CCSER1: variants seen among roughly 807,000 people sequenced by gnomAD.
CCSER1 encodes the protein serine-rich coiled-coil domain-containing protein 1.
In CCSER1, 41 loss-of-function variants were observed where a neutral mutation model predicts 82.0. The ratio of observed to expected loss-of-function variants is 0.50; its 90% CI spans 0.39 to 0.65. The LOEUF (loss-of-function observed/expected upper bound fraction) is 0.65. Ranked by LOEUF, CCSER1 falls within the 30% of genes least tolerant of loss-of-function variation. The pLI, the probability that CCSER1 is intolerant of heterozygous loss-of-function variation, is 0.00. For missense variants in CCSER1, 1,119 were observed against 1,064.2 expected (o/e 1.05, Z -0.72); for synonymous variants, 414 against 383.9 (o/e 1.08, Z -0.92).
intron 3 of CCSER1, among the ~76,000 whole-genome samples, chr4:90,327,668 T>C (rs2153492884): frequency 6.6e-6 from 1 of 152,240 alleles, no homozygotes; most frequent in African/African-American, 2.4e-5. Flanking sequence ...TGAGATTTTG[T>C]CCTGGATAAT....
intron 10 of CCSER1, among the ~76,000 whole-genome samples, chr4:91,288,080 T>A (rs1392112956): frequency 6.8e-6 from 1 of 146,546 alleles, no homozygotes; most frequent in Admixed American, 6.9e-5. Flanking sequence ...ATATATACAC[T>A]CATATATATA....
intron 5 of CCSER1, among the ~76,000 whole-genome samples, chr4:90,472,748 A>G (rs564115145): frequency 6.6e-6 from 1 of 152,324 alleles, no homozygotes; most frequent in Admixed American, 6.5e-5. Context: ...ATATTTAATC[A>G]TAAGCATAGA....
intron 10 of CCSER1, among the ~76,000 whole-genome samples, chr4:91,362,480 T>C (rs1749314252): frequency 6.6e-6 from 1 of 151,878 alleles, no homozygotes; most frequent in East Asian, 1.9e-4. Flanking sequence ...CTAGTTTATA[T>C]ATGTATAAGA....
At chr4:91,058,631 A>G (rs141472043) in intron 9 of CCSER1, among the ~76,000 whole-genome samples, 1 of 152,088 alleles carries the variant, frequency 6.6e-6, no homozygotes, top group African/African-American at 2.4e-5. Flanking sequence ...TCCTCCTACT[A>G]TTACTCATTC....
At chr4:91,211,575 A>G (rs1428655927) in intron 10 of CCSER1, among the ~76,000 whole-genome samples, 1 of 152,104 alleles carries the variant, frequency 6.6e-6, no homozygotes, top group Admixed American at 6.6e-5. Flanking sequence ...CAATTTTATT[A>G]CAGTTTACAT....
rs1257396069 is a variant in CCSER1 at position 91,600,744 on chromosome 4, T to C, written c.*1687T>C. 1 of 152,174 alleles carries C rather than the reference T, an allele frequency of 6.6e-6. No homozygotes were observed. Among genetic ancestry groups the C allele is most frequent in the Non-Finnish European group, 1.5e-5 (1 of 68,012 alleles). The allele number at this position is 152,174 out of a possible 1,614,324, so 9.4% of individuals were successfully genotyped here. On this transcript the variant is annotated 3_prime_UTR_variant, in exon 11 of 11. Transcript: ENST00000509176. ...AAGGAGTCGAGTGGATATGTTGTAC[T>C]TGTAATTTTGGTTTTCCAAAGGAAC... is the stretch of plus-strand genomic sequence containing the variant.
intron 10 of CCSER1, among the ~76,000 whole-genome samples, chr4:91,118,284 CTT>C (rs1251894474): frequency 4.9e-5 from 6 of 123,220 alleles, no homozygotes; most frequent in African/African-American, 1.5e-4. Context: ...GTTATGGAGA[CTT>C]TTTTTTTTTT....
At chr4:91,171,176 ACT>A (rs1329248105) in intron 10 of CCSER1, among the ~76,000 whole-genome samples, 1 of 152,164 alleles carries the variant, frequency 6.6e-6, no homozygotes, top group African/African-American at 2.4e-5. Context: ...CTAGAAAGAA[ACT>A]CTAAATATGG....
At position 90,986,790 on chromosome 4, in the gene CCSER1, A is replaced by C. The variant is rs549311501; in HGVS notation, c.2172+63343A>C. Reference sequence around the variant, plus strand: ...AAAACCATAAATCATTGGCATGATTATATTTACAATTTCGATATTATTACA... The same window carrying C: ...AAAACCATAAATCATTGGCATGATTCTATTTACAATTTCGATATTATTACA... On this transcript the variant is annotated intron_variant, in intron 9 of 10. Coordinates refer to ENST00000509176, the MANE Select transcript of CCSER1 (RefSeq NM_001145065.2). Among the ~76,000 whole-genome samples the C allele has an allele frequency of 1.3e-3, 193 of 151,944 alleles. 1 individual carries two copies. Among genetic ancestry groups the C allele is most frequent in the Non-Finnish European group, 2.1e-3 (145 of 67,842 alleles).
intron 10 of CCSER1, among the ~76,000 whole-genome samples, chr4:91,413,337 G>A (rs1467891493): frequency 6.6e-6 from 1 of 152,100 alleles, no homozygotes; most frequent in Non-Finnish European, 1.5e-5. Context: ...GCACACACCT[G>A]TAGTCCTAGC....
At position 90,308,226 on chromosome 4, in the gene CCSER1, T is replaced by C; in HGVS notation, c.-41-18T>C. On this transcript the variant is annotated intron_variant, in intron 1 of 10. Transcript: ENST00000509176. The stretch of plus-strand genomic sequence containing the variant: ...TTGAATTCTATTGACTTGTTGTTTT[T>C]GTTTTAACCTTTCTCAGGCTGCAAA... 1 of 1,448,048 alleles carries C rather than the reference T, an allele frequency of 6.9e-7. No individual in the cohort carries two copies. Among genetic ancestry groups the C allele is most frequent in the Non-Finnish European group, 9.1e-7 (1 of 1,098,870 alleles). 89.7% of individuals were successfully genotyped at this position (1,448,048 alleles called of 1,614,324 possible).
chr4:90,706,517 A>C (rs1204003677), intron 6 of CCSER1, among the ~76,000 whole-genome samples: 1 of 152,224 alleles, frequency 6.6e-6, no homozygotes, highest in African/African-American at 2.4e-5. Flanking sequence ...GATAATCTTA[A>C]TAGCAGAGAT....
intron 3 of CCSER1, among the ~76,000 whole-genome samples, chr4:90,382,444 C>G (rs548690208): frequency 6.6e-6 from 1 of 152,076 alleles, no homozygotes; most frequent in South Asian, 2.1e-4. Flanking sequence ...TAAAGAAATT[C>G]CTCTTGATAA....
At chr4:90,836,534 G>A (rs1761830276) in intron 8 of CCSER1, among the ~76,000 whole-genome samples, 1 of 152,114 alleles carries the variant, frequency 6.6e-6, no homozygotes, top group African/African-American at 2.4e-5. Context: ...ACCAGCAAAG[G>A]TGAATTTACT....
At chr4:90,587,912 A>C (rs559106952) in intron 5 of CCSER1, among the ~76,000 whole-genome samples, 1 of 152,326 alleles carries the variant, frequency 6.6e-6, no homozygotes, top group African/African-American at 2.4e-5. Context: ...AGTGAATATC[A>C]CAGTAAAATA....
intron 10 of CCSER1, among the ~76,000 whole-genome samples, chr4:91,133,927 C>T (rs1489550947): frequency 2.0e-5 from 3 of 152,000 alleles, no homozygotes; most frequent in Admixed American, 2.0e-4. Flanking sequence ...AGTGAAACCC[C>T]GTCTCTACTA....
At chr4:90,458,858 G>A (rs1435549168) in intron 4 of CCSER1, among the ~76,000 whole-genome samples, 1 of 152,156 alleles carries the variant, frequency 6.6e-6, no homozygotes, top group African/African-American at 2.4e-5. Flanking sequence ...CATCGCTTTT[G>A]ATGGAAGCTT....
chr4:90,934,460 G>T (rs920226116), intron 9 of CCSER1, among the ~76,000 whole-genome samples: 3 of 122,584 alleles, frequency 2.4e-5, no homozygotes, highest in African/African-American at 1.0e-4. Context: ...TTCTTCTTTT[G>T]CCCCTGAAAA....
At chr4:90,857,632 G>A (rs1036054164) in intron 8 of CCSER1, among the ~76,000 whole-genome samples, 1 of 152,142 alleles carries the variant, frequency 6.6e-6, no homozygotes, top group African/African-American at 2.4e-5. Flanking sequence ...ACATGACATA[G>A]ATTATGGGTT....
Sources: allele counts gnomAD v4.1 joint callset (sites outside exome capture counted in the v4.1 genomes callset), GRCh38; gene constraint gnomAD v4.1.1; transcripts MANE v1.5; gene names NCBI Gene and HGNC (gene_info 2026-07-23, HGNC 2026-07-21).